Variants in EPB41L5 observed in about 807,000 individuals in gnomAD.
EPB41L5 encodes band 4.1-like protein 5.
Under a neutral mutation model 106.6 loss-of-function variants are expected in EPB41L5, and 55 were observed. The ratio of observed to expected loss-of-function variants is 0.52; its 90% confidence interval spans 0.42 to 0.65. EPB41L5 has a LOEUF of 0.65. Ranked by LOEUF, EPB41L5 falls within the 30% of genes least tolerant of loss-of-function variation. The pLI, the probability that EPB41L5 is intolerant of heterozygous loss-of-function variation, is 0.00. For missense variants in EPB41L5, 871 were observed against 882.1 expected (o/e 0.99, Z 0.16); for synonymous variants, 297 against 306.7 (o/e 0.97, Z 0.33).
chr2:120,115,778 ATATGT>A (rs879813305), intron 16 of EPB41L5, among the ~76,000 whole-genome samples: 28 of 151,754 alleles, frequency 1.8e-4, no homozygotes, highest in South Asian at 1.3e-3. Flanking sequence ...ATGTTATGTG[ATATGT>A]TATGTTGTGT....
intron 15 of EPB41L5, 26 bp from the exon 16 acceptor site, chr2:120,100,673 A>G (rs1684086294): frequency 1.9e-6 from 3 of 1,548,588 alleles, no homozygotes; most frequent in African/African-American, 1.4e-5. Context: ...GGCAAAATAG[A>G]TAATTTTTAT....
chr2:120,042,141 T>C (rs761278960), intron 3 of EPB41L5, 31 bp downstream of exon 3: 1 of 1,535,210 alleles, frequency 6.5e-7, no homozygotes, highest in South Asian at 1.1e-5. Context: ...AGTTTTAGCA[T>C]AAGGAGAAGA....
intron 3 of EPB41L5, among the ~76,000 whole-genome samples, chr2:120,071,377 A>C (rs1681853067): frequency 6.6e-6 from 1 of 152,250 alleles, no homozygotes; most frequent in Non-Finnish European, 1.5e-5. Flanking sequence ...GATAGGAAGA[A>C]TCAATATCAT....
At chr2:120,013,907 TTGTAATGTAACCCAC>T (rs1558792737) in intron 1 of EPB41L5, among the ~76,000 whole-genome samples, 1 of 152,240 alleles carries the variant, frequency 6.6e-6, no homozygotes, top group Non-Finnish European at 1.5e-5. Flanking sequence ...CCGTGTACAT[TTGTAATGTAACCCAC>T]AACTGCATTA....
At chr2:120,015,622 C>G (rs1558794331) in intron 1 of EPB41L5, among the ~76,000 whole-genome samples, 1 of 151,956 alleles carries the variant, frequency 6.6e-6, no homozygotes, top group Non-Finnish European at 1.5e-5. Flanking sequence ...TTTGTCATAT[C>G]TAAGTCAACT....
rs572812185 is a variant in EPB41L5, at chr2:120,156,954, C to T, written c.1794-3927C>T. Among the ~76,000 whole-genome samples the T allele has an allele frequency of 2.6e-5, 4 of 152,314 alleles. No individual in the cohort carries two copies. In the East Asian group the frequency reaches 7.7e-4, roughly 29 times the overall value. ...GTCAAATGGACCTAATAGACATCTA[C>T]AGAACTCTCCACCCCAAAATAACAA... On this transcript the variant is annotated intron_variant, in intron 20 of 24. Coordinates refer to ENST00000263713, the MANE Select transcript of EPB41L5 (RefSeq NM_020909.4).
At chr2:120,103,912 A>G in intron 16 of EPB41L5, 1 of 846,846 alleles carries the variant, frequency 1.2e-6, no homozygotes, top group South Asian at 4.2e-5. Context: ...CTTGAATGTT[A>G]TCATTGCATG....
In EPB41L5 at chr2:120,013,219, G is replaced by T. The variant is rs901021625; in HGVS notation, c.-9+9G>T. The T allele has an allele frequency of 6.6e-6, 1 of 151,718 alleles. No individual in the cohort carries two copies. Among genetic ancestry groups the T allele is most frequent in the Admixed American group, 6.6e-5 (1 of 15,246 alleles). The allele number at this position is 151,718 out of a possible 1,614,324, so 9.4% of individuals were successfully genotyped here. A position where few individuals can be genotyped will look rare whatever the true frequency, so the allele number is the denominator to read the frequency against. Reference sequence around the variant, plus strand: ...CGCCGTCCCCAGCTCAGGTAAGCGCGAGGCCCGGCGGCGGCGCCGCAGTAC... The same window carrying T: ...CGCCGTCCCCAGCTCAGGTAAGCGCTAGGCCCGGCGGCGGCGCCGCAGTAC... On this transcript the variant is annotated intron_variant, in intron 1 of 24. Transcript: ENST00000263713.
chr2:120,086,383 A>T (rs1214721246), intron 10 of EPB41L5, among the ~76,000 whole-genome samples: 1 of 152,146 alleles, frequency 6.6e-6, no homozygotes, highest in African/African-American at 2.4e-5. Flanking sequence ...TGGAATTTAC[A>T]AGTAGGGAGA....
At chr2:120,077,170 T>G in intron 8 of EPB41L5, 59 bp from the exon 9 acceptor site, 1 of 1,574,310 alleles carries the variant, frequency 6.4e-7, no homozygotes, top group Non-Finnish European at 8.7e-7. Flanking sequence ...TTTCTATCCT[T>G]GGTATAGAAT....
At chr2:120,112,325 G>A (rs1481398576) in intron 16 of EPB41L5, among the ~76,000 whole-genome samples, 1 of 152,112 alleles carries the variant, frequency 6.6e-6, no homozygotes, top group Non-Finnish European at 1.5e-5. Context: ...TGTACGCTCC[G>A]TTAAGGGAGA....
At chr2:120,112,699 A>G (rs573918253) in intron 16 of EPB41L5, among the ~76,000 whole-genome samples, 3 of 152,336 alleles carry the variant, frequency 2.0e-5, no homozygotes, top group African/African-American at 7.2e-5. Flanking sequence ...TCCAGGAATG[A>G]TGAATCAGGT....
chr2:120,138,052 C>A (rs1426944915), intron 18 of EPB41L5, among the ~76,000 whole-genome samples: 1 of 151,684 alleles, frequency 6.6e-6, no homozygotes, highest in Non-Finnish European at 1.5e-5. Flanking sequence ...TGGGTTAGCA[C>A]ATGTAAATCA....
chr2:120,144,811 A>G (rs1328425334), intron 19 of EPB41L5, among the ~76,000 whole-genome samples: 1 of 152,242 alleles, frequency 6.6e-6, no homozygotes, highest in Non-Finnish European at 1.5e-5. Flanking sequence ...AGGATCATAC[A>G]TCATGACCAA....
At chr2:120,164,780 TTAACATCTGATGA>T (rs1687314924) in intron 21 of EPB41L5, 43 bp from the exon 22 acceptor site, 2 of 1,302,186 alleles carry the variant, frequency 1.5e-6, no homozygotes, top group African/African-American at 3.0e-5. Context: ...TGGAAAAAAC[TTAACATCTGATGA>T]TAAAGGGGTC....
intron 3 of EPB41L5, among the ~76,000 whole-genome samples, chr2:120,066,240 A>G (rs764286261): frequency 6.6e-6 from 1 of 152,172 alleles, no homozygotes; most frequent in Non-Finnish European, 1.5e-5. Flanking sequence ...GTAAGCGGAT[A>G]ATATAGGAAA....
chr2:120,094,450 A>T (rs1220133849), intron 14 of EPB41L5, among the ~76,000 whole-genome samples: 13 of 135,864 alleles, frequency 9.6e-5, no homozygotes, highest in African/African-American at 8.4e-5. Flanking sequence ...TTCCTTTCTG[A>T]TTTTTAGTAT....
intron 23 of EPB41L5, 97 bp downstream of exon 23, chr2:120,167,604 G>A (rs1438856009): frequency 2.3e-6 from 3 of 1,318,202 alleles, no homozygotes; most frequent in Admixed American, 1.9e-5. Context: ...AAAACATGAG[G>A]GTTGTTATCA....
chr2:120,044,159 G>C (rs1198459804), intron 3 of EPB41L5, among the ~76,000 whole-genome samples: 3 of 150,438 alleles, frequency 2.0e-5, no homozygotes, highest in African/African-American at 7.3e-5. Flanking sequence ...AAAAAAAAAG[G>C]ATATATGGCC....
Sources: allele counts gnomAD v4.1 joint callset (sites outside exome capture counted in the v4.1 genomes callset), GRCh38; gene constraint gnomAD v4.1.1; transcripts MANE v1.5; gene names NCBI Gene and HGNC (gene_info 2026-07-23, HGNC 2026-07-21).